The following DLG2 variants were observed in gnomAD, a reference collection of about 807,000 sequenced individuals.
The protein encoded by DLG2 is disks large homolog 2.
Under a neutral mutation model 132.5 loss-of-function variants are expected in DLG2, and 45 were observed. The observed-to-expected ratio is 0.34, with a 90% CI of 0.27 to 0.44. The LOEUF is 0.44. Ranked by LOEUF, DLG2 falls within the 20% of genes least tolerant of loss-of-function variation. The pLI, the probability that DLG2 is intolerant of heterozygous loss-of-function variation, is 1.00. For missense variants in DLG2, 1,045 were observed against 1,196.9 expected (o/e 0.87, Z 1.87); for synonymous variants, 424 against 419.6 (o/e 1.01, Z -0.13).
chr11:85,095,133 C>G (rs2069509541), intron 6 of DLG2, among the ~76,000 whole-genome samples: 1 of 151,984 alleles, frequency 6.6e-6, no homozygotes. Context: ...TTATGACACC[C>G]CAAACCAACC....
At chr11:84,585,205 T>C (rs2099526765) in intron 6 of DLG2, among the ~76,000 whole-genome samples, 1 of 152,206 alleles carries the variant, frequency 6.6e-6, no homozygotes. Flanking sequence ...TATATATAAT[T>C]GTCCCAGCAC....
At chr11:84,784,735 A>C (rs1598078473) in intron 6 of DLG2, among the ~76,000 whole-genome samples, 1 of 152,104 alleles carries the variant, frequency 6.6e-6, no homozygotes, top group African/African-American at 2.4e-5. Context: ...TTTAAAAAAA[A>C]AGCTTGCTCA....
chr11:85,085,987 C>A (rs552950749), intron 6 of DLG2, among the ~76,000 whole-genome samples: 2 of 152,272 alleles, frequency 1.3e-5, no homozygotes, highest in South Asian at 2.1e-4. Flanking sequence ...ACAAATATAT[C>A]ATGAGTATTC....
At chr11:83,491,199 C>G (rs2093824562) in intron 21 of DLG2, among the ~76,000 whole-genome samples, 1 of 146,804 alleles carries the variant, frequency 6.8e-6, no homozygotes, top group Admixed American at 6.8e-5. Flanking sequence ...AAAAACAATT[C>G]CAACTCGCAT....
intron 6 of DLG2, among the ~76,000 whole-genome samples, chr11:84,582,749 A>G (rs2099519698): frequency 6.6e-6 from 1 of 152,138 alleles, no homozygotes; most frequent in African/African-American, 2.4e-5. Context: ...TACTATAGAA[A>G]AGACTATTTC....
At chr11:84,595,923 T>C (rs2099555667) in intron 6 of DLG2, among the ~76,000 whole-genome samples, 1 of 152,100 alleles carries the variant, frequency 6.6e-6, no homozygotes, top group Non-Finnish European at 1.5e-5. Context: ...CTCTACAGCA[T>C]AGAGAAACCA....
At chr11:83,463,364 A>T (rs2136117111) in intron 26 of DLG2, among the ~76,000 whole-genome samples, 1 of 152,264 alleles carries the variant, frequency 6.6e-6, no homozygotes, top group South Asian at 2.1e-4. Flanking sequence ...GAGGGGTGTT[A>T]TGTATAATTT....
chr11:83,642,839 G>C (rs929421973), intron 18 of DLG2, among the ~76,000 whole-genome samples: 5 of 152,008 alleles, frequency 3.3e-5, no homozygotes, highest in African/African-American at 9.7e-5. Context: ...ACTCAATTTA[G>C]AGAATACTCA....
chr11:84,304,290 ACT>A (rs1452730973), intron 7 of DLG2, among the ~76,000 whole-genome samples: 1 of 152,300 alleles, frequency 6.6e-6, no homozygotes, highest in Non-Finnish European at 1.5e-5. Flanking sequence ...GGAATCTCAC[ACT>A]CTCTAATCAG....
At chr11:84,328,252 AG>A (rs1289634784) in intron 7 of DLG2, among the ~76,000 whole-genome samples, 1 of 151,830 alleles carries the variant, frequency 6.6e-6, no homozygotes, top group Non-Finnish European at 1.5e-5. Context: ...GGAAGTGAAG[AG>A]GAAAAAAAGG....
At chr11:83,794,756 T>C (rs981792955) in intron 17 of DLG2, among the ~76,000 whole-genome samples, 29 of 152,172 alleles carry the variant, frequency 1.9e-4, no homozygotes, top group African/African-American at 6.3e-4. Flanking sequence ...CAAATTTATA[T>C]GGTGGAAAGA....
intron 4 of DLG2, among the ~76,000 whole-genome samples, chr11:85,181,702 T>C (rs1404930186): frequency 6.6e-6 from 1 of 151,896 alleles, no homozygotes; most frequent in Non-Finnish European, 1.5e-5. Context: ...AGTGTACTTG[T>C]AGCACAGCCA....
chr11:84,639,958 T>G, intron 6 of DLG2: 1 of 197,628 alleles, frequency 5.1e-6, no homozygotes, highest in Non-Finnish European at 1.0e-5. Context: ...AATTCTAAAA[T>G]TTTTGCTTCA....
chr11:83,982,606 A>G (rs2092897142), intron 11 of DLG2, among the ~76,000 whole-genome samples: 1 of 152,124 alleles, frequency 6.6e-6, no homozygotes, highest in South Asian at 2.1e-4. Context: ...AAGTTCATAA[A>G]GTAAAAAAGT....
At chr11:85,221,233 G>A (rs1400646244) in intron 4 of DLG2, among the ~76,000 whole-genome samples, 2 of 151,812 alleles carry the variant, frequency 1.3e-5, no homozygotes, top group East Asian at 1.9e-4. Context: ...TAGTAGAGAT[G>A]GGGTTTCACC....
intron 19 of DLG2, among the ~76,000 whole-genome samples, chr11:83,630,283 A>G (rs548944040): frequency 2.0e-4 from 30 of 152,240 alleles, no homozygotes; most frequent in African/African-American, 7.0e-4. Flanking sequence ...AGGAAGGTAC[A>G]TTCTCTCTGA....
At chr11:84,110,418 G>T (rs578161072) in intron 9 of DLG2, among the ~76,000 whole-genome samples, 1 of 152,220 alleles carries the variant, frequency 6.6e-6, no homozygotes, top group Non-Finnish European at 1.5e-5. Context: ...GAAAATTATT[G>T]AATTTATATC....
At chr11:84,348,322 A>G (rs1430888506) in intron 7 of DLG2, among the ~76,000 whole-genome samples, 1 of 152,202 alleles carries the variant, frequency 6.6e-6, no homozygotes, top group East Asian at 1.9e-4. Context: ...AATTTGCCAA[A>G]GGTCAGGCAG....
chr11:85,171,359 C>T (rs1053670454), intron 4 of DLG2, among the ~76,000 whole-genome samples: 1 of 152,134 alleles, frequency 6.6e-6, no homozygotes, highest in African/African-American at 2.4e-5. Context: ...ATTATGCACC[C>T]TCATCTGGGA....
Sources: gnomAD v4.1 joint callset for allele counts (sites outside exome capture counted in the v4.1 genomes callset) on GRCh38, gnomAD v4.1.1 for gene constraint, MANE v1.5 for transcripts, NCBI Gene and HGNC (gene_info 2026-07-23, HGNC 2026-07-21) for gene names.